ALDH5A1: variants seen among roughly 807,000 people sequenced by gnomAD.
ALDH5A1 encodes the protein aldehyde dehydrogenase 5 family member A1, also known as succinate-semialdehyde dehydrogenase, mitochondrial.
ALDH5A1 carries 33 observed loss-of-function variants against 54.7 expected under a neutral mutation model. The ratio of observed to expected loss-of-function variants is 0.60; its 90% CI spans 0.46 to 0.81. The LOEUF (loss-of-function observed/expected upper bound fraction) is 0.81, where lower values mean the gene tolerates loss of function less well. ALDH5A1 is among the 30% of genes least tolerant of loss of function. ALDH5A1 has a pLI of 0.00. For missense variants in ALDH5A1, 657 were observed against 711.0 expected (o/e 0.92, Z 0.86); for synonymous variants, 294 against 292.7 (o/e 1.00, Z -0.05).
intron 5 of ALDH5A1, among the ~76,000 whole-genome samples, chr6:24,517,664 C>T (rs1759600067): frequency 6.6e-6 from 1 of 152,218 alleles, no homozygotes; most frequent in South Asian, 2.1e-4. Context: ...TCAGCCATGA[C>T]CCTGCCAAGT....
chr6:24,500,194 A>G (rs921573148), intron 1 of ALDH5A1, among the ~76,000 whole-genome samples: 3 of 152,212 alleles, frequency 2.0e-5, no homozygotes, highest in African/African-American at 7.2e-5. Context: ...TATGCATAAC[A>G]TAACATTTAC....
In ALDH5A1 at chr6:24,533,723, T is replaced by C. The variant is rs201156839; in HGVS notation, c.*11T>C. ...TACGGGGGCTTGTAGGATTCTTTGGTTCTTTAAAAAAATTTAAAAGGAGAC... is the reference window on the plus strand; with the variant it reads ...TACGGGGGCTTGTAGGATTCTTTGGCTCTTTAAAAAAATTTAAAAGGAGAC... On this transcript the variant is annotated 3_prime_UTR_variant, in exon 10 of 10. Coordinates refer to ENST00000357578, the MANE Select transcript of ALDH5A1 (RefSeq NM_001080.3). 2.8e-4 allele frequency: 448 copies of C among 1,613,322 alleles called. 5 individuals are homozygous for C. The African/African-American group carries it at 3.8e-3, about 14-fold the overall frequency.
Position 24,511,399 on chromosome 6 carries a change from T to TAAA in ALDH5A1, c.727-3768_727-3767insAAA, listed in dbSNP as rs532303548. Among the ~76,000 whole-genome samples, 33 of 152,340 alleles carry TAAA rather than the reference T, an allele frequency of 2.2e-4. No individual in the cohort carries two copies. In the South Asian group the frequency reaches 6.8e-3, roughly 32 times the overall value. On this transcript the variant is annotated intron_variant, in intron 4 of 9. Coordinates refer to ENST00000357578, the MANE Select transcript of ALDH5A1 (RefSeq NM_001080.3). ...AGGCTGGAGAAGTTTTCCTCGATTA[T>TAAA]TCCCCCAAATATGTTTTCCAAACTT...
Position 24,533,877 on chromosome 6 carries a change from T to A in ALDH5A1, c.*165T>A. 1 of 679,592 alleles carries A rather than the reference T, an allele frequency of 1.5e-6. No individual in the cohort carries two copies. The highest frequency in any genetic ancestry group is 2.4e-6 in the Non-Finnish European group (1 of 410,102). 42.1% of individuals were successfully genotyped at this position (679,592 alleles called of 1,614,324 possible). A position where few individuals can be genotyped will look rare whatever the true frequency, so the allele number is the denominator to read the frequency against. ...CAGATGCAAATCCTACCCCTGCCCTTAATGTAACTAGGGACCAATATGTGC... is the reference window on the plus strand; with the variant it reads ...CAGATGCAAATCCTACCCCTGCCCTAAATGTAACTAGGGACCAATATGTGC... On this transcript the variant is annotated 3_prime_UTR_variant, in exon 10 of 10. Transcript: ENST00000357578.
In ALDH5A1 at chr6:24,533,389, G is replaced by A; in HGVS notation, c.1403-118G>A. ...CAACCTGGGACTTTATCTGGGAGCA[G>A]GGAAGACTCCAGGCCCAAGTGGCTG... On this transcript the variant is annotated intron_variant, in intron 9 of 9. Transcript: ENST00000357578. The A allele has an allele frequency of 4.8e-6, 5 of 1,037,892 alleles. No individual in the cohort carries two copies. The Admixed American group carries it at 5.9e-5, about 12-fold the overall frequency. The allele number at this position is 1,037,892 out of a possible 1,614,324, so 64.3% of individuals were successfully genotyped here.
intron 4 of ALDH5A1, chr6:24,511,890 G>A: frequency 3.3e-6 from 2 of 598,296 alleles, no homozygotes; most frequent in South Asian, 2.3e-5. Flanking sequence ...TGATTTTTGG[G>A]GGGTGTTAAA....
intron 1 of ALDH5A1, among the ~76,000 whole-genome samples, chr6:24,500,841 AAAG>A (rs1764806285): frequency 6.6e-6 from 1 of 152,116 alleles, no homozygotes; most frequent in African/African-American, 2.4e-5. Context: ...ATTACTCATC[AAAG>A]AAGGGTCAGT....
At position 24,535,057 on chromosome 6, in the gene ALDH5A1, T is replaced by G. The variant is rs1030241537; in HGVS notation, c.*1345T>G. ...CTCCGTAATCTTAAACAGATGCAAATCCAATTAGGCGGCCAAGTAGGTGGA... is the reference window on the plus strand; with the variant it reads ...CTCCGTAATCTTAAACAGATGCAAAGCCAATTAGGCGGCCAAGTAGGTGGA... On this transcript the variant is annotated 3_prime_UTR_variant, in exon 10 of 10. Coordinates refer to ENST00000357578, the MANE Select transcript of ALDH5A1 (RefSeq NM_001080.3). 6.6e-6 allele frequency: 1 copy of G among 152,180 alleles called. No homozygotes were observed. Among genetic ancestry groups the G allele is most frequent in the African/African-American group, 2.4e-5 (1 of 41,444 alleles). The allele number at this position is 152,180 out of a possible 1,614,324, so 9.4% of individuals were successfully genotyped here.
chr6:24,505,062 A>G (rs1197637519), intron 4 of ALDH5A1, 77 bp downstream of exon 4: 7 of 1,468,624 alleles, frequency 4.8e-6, no homozygotes, highest in East Asian at 2.3e-5. Context: ...GAAAGAAGCA[A>G]TTTTGGAGCC....
rs866378422 is a variant in ALDH5A1, at chr6:24,536,314, G to A, written c.*2602G>A. 6.6e-6 allele frequency: 1 copy of A among 152,058 alleles called. No individual in the cohort carries two copies. The highest frequency in any genetic ancestry group is 1.5e-5 in the Non-Finnish European group (1 of 67,986). The allele number at this position is 152,058 out of a possible 1,614,324, so 9.4% of individuals were successfully genotyped here. On this transcript the variant is annotated 3_prime_UTR_variant, in exon 10 of 10. Transcript: ENST00000357578. ...ATGATTGGGCAGAAAATCAAAAGAA[G>A]AACAATATTTCATGACACCTGAAAA...
At chr6:24,495,442 G>C (rs1352324342) in intron 1 of ALDH5A1, 92 bp downstream of exon 1, 6 of 1,285,080 alleles carry the variant, frequency 4.7e-6, no homozygotes, top group Non-Finnish European at 6.4e-6. Flanking sequence ...CAGCCGCGTC[G>C]CCTCCCTCCT....
At chr6:24,503,547 C>T (rs1759254396) in intron 3 of ALDH5A1, 114 bp downstream of exon 3, 2 of 1,237,986 alleles carry the variant, frequency 1.6e-6, no homozygotes, top group Non-Finnish European at 2.3e-6. Context: ...GTCACCTGTT[C>T]CTGGTTTCCT....
chr6:24,524,889 C>T (rs1362603484), intron 7 of ALDH5A1, among the ~76,000 whole-genome samples: 2 of 152,196 alleles, frequency 1.3e-5, no homozygotes, highest in Non-Finnish European at 2.9e-5. Context: ...TCAGCCTAGG[C>T]ATTGGCATTT....
rs546940250 is a variant in ALDH5A1, at chr6:24,511,409, T to C, written c.727-3758T>C. On this transcript the variant is annotated intron_variant, in intron 4 of 9. Transcript: ENST00000357578. Reference sequence around the variant, plus strand: ...AGTTTTCCTCGATTATTCCCCCAAATATGTTTTCCAAACTTTTAGAATTCT... The same window carrying C: ...AGTTTTCCTCGATTATTCCCCCAAACATGTTTTCCAAACTTTTAGAATTCT... Among the ~76,000 whole-genome samples the C allele has an allele frequency of 5.3e-5, 8 of 152,330 alleles. No individual in the cohort carries two copies. The East Asian group carries it at 7.7e-4, about 15-fold the overall frequency.
chr6:24,505,060 C>A, intron 4 of ALDH5A1, 75 bp downstream of exon 4: 1 of 1,480,524 alleles, frequency 6.8e-7, no homozygotes, highest in Non-Finnish European at 9.4e-7. Flanking sequence ...CAGAAAGAAG[C>A]AATTTTGGAG....
chr6:24,516,311 C>T (rs1759570108), intron 5 of ALDH5A1, among the ~76,000 whole-genome samples: 1 of 151,306 alleles, frequency 6.6e-6, no homozygotes, highest in South Asian at 2.1e-4. Context: ...TGGCGGGCGC[C>T]TGTAGTCCCA....
At chr6:24,523,766 A>G (rs1201226131) in intron 7 of ALDH5A1, among the ~76,000 whole-genome samples, 1 of 152,204 alleles carries the variant, frequency 6.6e-6, no homozygotes, top group Non-Finnish European at 1.5e-5. Flanking sequence ...GTCCTTCATG[A>G]AAGTATCCCA....
intron 1 of ALDH5A1, among the ~76,000 whole-genome samples, chr6:24,499,820 G>T (rs995603083): frequency 6.6e-6 from 1 of 152,010 alleles, no homozygotes; most frequent in Non-Finnish European, 1.5e-5. Flanking sequence ...CACCATGCCC[G>T]GGTAATTTTT....
intron 7 of ALDH5A1, among the ~76,000 whole-genome samples, chr6:24,523,915 A>G (rs1269423982): frequency 1.3e-5 from 2 of 151,758 alleles, no homozygotes; most frequent in African/African-American, 2.4e-5. Flanking sequence ...TCCTTATTCT[A>G]CTGTTTTAAA....
Sources: allele counts gnomAD v4.1 joint callset (sites outside exome capture counted in the v4.1 genomes callset), GRCh38; gene constraint gnomAD v4.1.1; transcripts MANE v1.5; gene names NCBI Gene and HGNC (gene_info 2026-07-23, HGNC 2026-07-21).